The following PDE11A variants were observed in gnomAD, a reference collection of about 807,000 sequenced individuals.
PDE11A encodes phosphodiesterase 11A.
A neutral mutation model predicts 100.5 loss-of-function variants in PDE11A; 100 were observed. That is an observed-to-expected ratio of 1.00 (90% CI 0.85 to 1.18). PDE11A has a LOEUF of 1.18. Ranked by LOEUF, PDE11A falls within the 50% of genes most tolerant of loss-of-function variation. The pLI is 0.00. For missense variants in PDE11A, 1,141 were observed against 1,152.6 expected (o/e 0.99, Z 0.15); for synonymous variants, 381 against 420.8 (o/e 0.91, Z 1.16).
intron 1 of PDE11A, among the ~76,000 whole-genome samples, chr2:178,027,503 C>G (rs1000287401): frequency 1.3e-5 from 2 of 152,152 alleles, no homozygotes; most frequent in Admixed American, 1.3e-4. Flanking sequence ...CACCAGCCGT[C>G]AAGCTGGAGG....
chr2:177,778,361 T>G (rs979414026), intron 9 of PDE11A, among the ~76,000 whole-genome samples: 1 of 152,040 alleles, frequency 6.6e-6, no homozygotes, highest in Non-Finnish European at 1.5e-5. Context: ...GCTCCTGAAA[T>G]GAGATATGGA....
chr2:177,712,049 G>T (rs534081707), intron 12 of PDE11A, among the ~76,000 whole-genome samples, 171 bp from the exon 13 acceptor site: 29 of 152,298 alleles, frequency 1.9e-4, no homozygotes, highest in Non-Finnish European at 1.3e-4. Flanking sequence ...ACAGCCTAAG[G>T]TCCCCACAGT....
chr2:178,065,026 CCTT>C (rs2105868340), intron 1 of PDE11A, among the ~76,000 whole-genome samples: 1 of 151,974 alleles, frequency 6.6e-6, no homozygotes, highest in Non-Finnish European at 1.5e-5. Context: ...TGCCAGAAAA[CCTT>C]CTTTACTATT....
chr2:178,007,529 G>A (rs1257171157), intron 2 of PDE11A, among the ~76,000 whole-genome samples: 3 of 152,142 alleles, frequency 2.0e-5, no homozygotes, highest in African/African-American at 7.2e-5. Flanking sequence ...AGTGCTGTGA[G>A]TAGATCATTT....
At chr2:177,845,909 A>C (rs1198965836) in intron 5 of PDE11A, among the ~76,000 whole-genome samples, 1 of 147,514 alleles carries the variant, frequency 6.8e-6, no homozygotes, top group Non-Finnish European at 1.5e-5. Flanking sequence ...AATCGCAGGC[A>C]CTCGGCAGGC....
At chr2:177,755,707 A>G (rs1315122407) in intron 10 of PDE11A, among the ~76,000 whole-genome samples, 1 of 152,224 alleles carries the variant, frequency 6.6e-6, no homozygotes, top group Non-Finnish European at 1.5e-5. Context: ...ATATTTTCCA[A>G]ACTGGAACTT....
intron 3 of PDE11A, among the ~76,000 whole-genome samples, chr2:177,898,610 T>A (rs1417616625): frequency 6.6e-6 from 1 of 152,196 alleles, no homozygotes; most frequent in Non-Finnish European, 1.5e-5. Context: ...TGAAAATTAC[T>A]AATGAGCACC....
At position 177,659,515 on chromosome 2, in the gene PDE11A, G is replaced by A. The variant is rs982902338; in HGVS notation, c.2646+4351C>T. ...CCAAAATCAAAAGCCAGTTTGGGAT[G>A]AGCTAAAAATCAGATTACATTCATA... On this transcript the variant is annotated intron_variant, in intron 19 of 19. Coordinates refer to ENST00000286063, the MANE Select transcript of PDE11A (RefSeq NM_016953.4). 2.0e-5 allele frequency among the ~76,000 whole-genome samples: 3 copies of A among 152,226 alleles called. No homozygotes were observed. In the East Asian group the frequency reaches 5.8e-4, roughly 29 times the overall value.
chr2:177,712,012 A>G (rs994501399), intron 12 of PDE11A, 134 bp from the exon 13 acceptor site: 11 of 642,622 alleles, frequency 1.7e-5, no homozygotes, highest in Non-Finnish European at 2.8e-5. Flanking sequence ...ACTCCCTCAG[A>G]CAACAGTAAG....
chr2:177,658,580 G>A (rs1226193404), intron 19 of PDE11A, among the ~76,000 whole-genome samples: 1 of 147,382 alleles, frequency 6.8e-6, no homozygotes, highest in African/African-American at 2.5e-5. Context: ...TTTGAGTTAT[G>A]TATGATGCCA....
chr2:177,677,434 A>T (rs2080793152), intron 16 of PDE11A, among the ~76,000 whole-genome samples: 1 of 152,194 alleles, frequency 6.6e-6, no homozygotes, highest in African/African-American at 2.4e-5. Flanking sequence ...GTGGAGCAAG[A>T]AGTCCATGCA....
chr2:177,632,101 C>A (rs1020849917), intron 19 of PDE11A, among the ~76,000 whole-genome samples: 1 of 152,158 alleles, frequency 6.6e-6, no homozygotes, highest in Non-Finnish European at 1.5e-5. Flanking sequence ...GGATAGGACA[C>A]TAGCCTGCCA....
At chr2:177,752,896 G>A (rs1031002551) in intron 10 of PDE11A, among the ~76,000 whole-genome samples, 4 of 152,198 alleles carry the variant, frequency 2.6e-5, no homozygotes, top group Admixed American at 6.5e-5. Flanking sequence ...TTCAATCTAA[G>A]TTAATATGTT....
intron 1 of PDE11A, among the ~76,000 whole-genome samples, chr2:178,047,201 C>T (rs1349192259): frequency 6.6e-6 from 1 of 152,130 alleles, no homozygotes; most frequent in African/African-American, 2.4e-5. Flanking sequence ...GTGGCTCATG[C>T]CTGTAATCCC....
chr2:178,048,278 G>A (rs996859100), intron 1 of PDE11A, among the ~76,000 whole-genome samples: 1 of 152,100 alleles, frequency 6.6e-6, no homozygotes, highest in Non-Finnish European at 1.5e-5. Flanking sequence ...CTAGGGTTCT[G>A]GCTTGGGCAA....
intron 6 of PDE11A, among the ~76,000 whole-genome samples, chr2:177,821,051 G>C (rs1456872367): frequency 6.6e-6 from 1 of 151,818 alleles, no homozygotes; most frequent in Non-Finnish European, 1.5e-5. Flanking sequence ...TAATACAATA[G>C]GAGAAAACAA....
At chr2:178,049,031 A>G (rs1410383035) in intron 1 of PDE11A, among the ~76,000 whole-genome samples, 10 of 152,206 alleles carry the variant, frequency 6.6e-5, no homozygotes, top group Non-Finnish European at 1.5e-5. Context: ...GGAAAGGGAT[A>G]GCATCTACTC....
At chr2:178,087,836 G>A (rs1430783521) in intron 2 of PDE11A, among the ~76,000 whole-genome samples, 1 of 152,166 alleles carries the variant, frequency 6.6e-6, no homozygotes, top group Admixed American at 6.5e-5. Context: ...GAAGGATATG[G>A]AGGAGAAGGG....
chr2:177,921,034 C>T (rs1330836581), intron 2 of PDE11A, among the ~76,000 whole-genome samples: 3 of 150,170 alleles, frequency 2.0e-5, no homozygotes, highest in East Asian at 3.9e-4. Flanking sequence ...TGCACTCCAG[C>T]CTGGGCGACA....
Sources: allele counts gnomAD v4.1 joint callset (sites outside exome capture counted in the v4.1 genomes callset), GRCh38; gene constraint gnomAD v4.1.1; transcripts MANE v1.5; gene names NCBI Gene and HGNC (gene_info 2026-07-23, HGNC 2026-07-21).